ILDR1: variants seen among roughly 807,000 people sequenced by gnomAD.
The protein encoded by ILDR1 is immunoglobulin like domain containing receptor 1.
A neutral mutation model predicts 62.4 loss-of-function variants in ILDR1; 56 were observed. The observed-to-expected ratio is 0.90, with a 90% confidence interval of 0.72 to 1.12. ILDR1 has a LOEUF of 1.12. Ranked by LOEUF, ILDR1 falls within the 50% of genes most tolerant of loss-of-function variation. The probability of loss-of-function intolerance (pLI) is 0.00; values close to 1 mark genes in which losing one functional copy is unlikely to be tolerated. For synonymous variants in ILDR1, 284 were observed against 277.8 expected (o/e 1.02, Z -0.22); for missense variants, 736 against 710.6 (o/e 1.04, Z -0.41).
Position 121,993,369 on chromosome 3 carries a change from C to T in ILDR1, c.1380G>A (p.Gly460=), listed in dbSNP as rs1344875122. ...AGTAGCTGCGGTGCCTGCGTCGTCTCCCGTGCCTCTGAGTGCTCTCCCGGG... is the reference window on the plus strand; with the variant it reads ...AGTAGCTGCGGTGCCTGCGTCGTCTTCCGTGCCTCTGAGTGCTCTCCCGGG... ...PSPRESTQRH[G]RRRRHRSYSP... is the part of the protein sequence containing the mutation. Residue 460 remains glycine, a synonymous_variant, in exon 7 of 8, where the codon GGG becomes GGA. Transcript: ENST00000344209. 1 of 1,610,894 alleles carries T rather than the reference C, an allele frequency of 6.2e-7. No individual in the cohort carries two copies. The highest frequency in any genetic ancestry group is 1.3e-5 in the African/African-American group (1 of 74,990).
chr3:122,047,193 G>C, the ILDR1 span, among the ~76,000 whole-genome samples: 10 of 150,922 alleles, frequency 6.6e-5, no homozygotes, highest in Admixed American at 1.3e-4. Flanking sequence ...AGGTGTCAGT[G>C]TGCCCCTGCT....
At chr3:122,042,718 G>C in the ILDR1 span, among the ~76,000 whole-genome samples, 11 of 152,132 alleles carry the variant, frequency 7.2e-5, no homozygotes, top group Admixed American at 4.6e-4. Flanking sequence ...GTCTTCTTTT[G>C]AGAAGTGTCT....
chr3:122,053,142 T>C, the ILDR1 span, among the ~76,000 whole-genome samples: 2 of 152,206 alleles, frequency 1.3e-5, no homozygotes, highest in African/African-American at 4.8e-5. Context: ...GAGCACAGGC[T>C]GGGGTTTCTC....
At chr3:122,039,470 A>T in the ILDR1 span, among the ~76,000 whole-genome samples, 1 of 152,102 alleles carries the variant, frequency 6.6e-6, no homozygotes, top group East Asian at 1.9e-4. Flanking sequence ...AAGTAAGAAG[A>T]CAGTAAAGGG....
upstream of ILDR1, among the ~76,000 whole-genome samples, chr3:122,025,480 A>G (rs1417191108): frequency 1.3e-5 from 2 of 152,152 alleles, no homozygotes; most frequent in African/African-American, 4.8e-5. Context: ...TAGGCAATCT[A>G]TTTTCAGAAC....
the ILDR1 span, among the ~76,000 whole-genome samples, chr3:122,030,623 T>TTCTC: frequency 0.058 from 8,600 of 147,524 alleles, 429 homozygotes; most frequent in African/African-American, 0.13. Context: ...GCAAGGGTTT[T>TTCTC]TCTCTCTCTC....
the ILDR1 span, among the ~76,000 whole-genome samples, chr3:122,030,625 C>T: frequency 0.21 from 29,978 of 140,712 alleles, 3,074 homozygotes; most frequent in South Asian, 0.31. Context: ...AAGGGTTTTT[C>T]TCTCTCTCTC....
At chr3:122,001,567 G>C in intron 4 of ILDR1, 113 bp from the exon 5 acceptor site, 1 of 1,488,910 alleles carries the variant, frequency 6.7e-7, no homozygotes, top group Non-Finnish European at 9.4e-7. Context: ...ACAGGTTAAA[G>C]TTGAGCAATA....
the ILDR1 span, among the ~76,000 whole-genome samples, chr3:122,039,544 T>C: frequency 6.6e-6 from 1 of 152,072 alleles, no homozygotes; most frequent in South Asian, 2.1e-4. Context: ...AGCAAAAATA[T>C]TTTTCAGAAG....
At chr3:122,028,311 G>C in the ILDR1 span, among the ~76,000 whole-genome samples, 2 of 140,808 alleles carry the variant, frequency 1.4e-5, no homozygotes, top group African/African-American at 5.3e-5. Context: ...ACTCCAGCCT[G>C]GGCAACAGAG....
Position 121,988,099 on chromosome 3 carries a change from G to C in ILDR1, c.*268C>G, listed in dbSNP as rs565610957. On this transcript the variant is annotated 3_prime_UTR_variant, in exon 8 of 8. Coordinates refer to ENST00000344209, the MANE Select transcript of ILDR1 (RefSeq NM_001199799.2). ...AACTAATTTTTATATTTTTTGTAGAGACGGGGTCTCACTATGTTTCCCAGG... is the reference window on the plus strand; with the variant it reads ...AACTAATTTTTATATTTTTTGTAGACACGGGGTCTCACTATGTTTCCCAGG... The C allele has an allele frequency of 5.4e-5, 28 of 522,628 alleles. No homozygotes were observed. In the Admixed American group the frequency reaches 6.1e-4, roughly 11 times the overall value. The allele number at this position is 522,628 out of a possible 1,614,324, so 32.4% of individuals were successfully genotyped here.
intron 7 of ILDR1, 83 bp from the exon 8 acceptor site, chr3:121,988,491 T>A: frequency 3.5e-6 from 4 of 1,144,354 alleles, no homozygotes; most frequent in Non-Finnish European, 5.3e-6. Context: ...GTGCTCTTGA[T>A]TTACAAATCC....
the ILDR1 span, among the ~76,000 whole-genome samples, chr3:122,037,451 ATG>A: frequency 6.6e-6 from 1 of 152,288 alleles, no homozygotes; most frequent in East Asian, 1.9e-4. Flanking sequence ...TTAAGATTTA[ATG>A]ACTGCCCTGC....
the ILDR1 span, among the ~76,000 whole-genome samples, chr3:122,056,685 C>G: frequency 6.6e-6 from 1 of 152,210 alleles, no homozygotes; most frequent in Admixed American, 6.5e-5. Flanking sequence ...TAACTTTCAT[C>G]TACCCAGTGC....
intron 1 of ILDR1, 186 bp from the exon 2 acceptor site, chr3:122,007,347 G>T: frequency 7.5e-7 from 1 of 1,332,622 alleles, no homozygotes; most frequent in Non-Finnish European, 1.0e-6. Context: ...AACGCACTCA[G>T]CAGCCTCAGA....
rs746925077 is a variant in ILDR1 at position 121,993,989 on chromosome 3, A to T, written c.779-19T>A. 6.2e-7 allele frequency: 1 copy of T among 1,601,732 alleles called. No homozygotes were observed. Among genetic ancestry groups the T allele is most frequent in the Non-Finnish European group, 8.5e-7 (1 of 1,177,420 alleles). ...GACAAATCTGAATGGAAACAAGGAC[A>T]GGACAATAGAACAAATGGCCCAAAA... On this transcript the variant is annotated intron_variant, in intron 6 of 7. Coordinates refer to ENST00000344209, the MANE Select transcript of ILDR1 (RefSeq NM_001199799.2).
intron 6 of ILDR1, 68 bp from the exon 7 acceptor site, chr3:121,994,038 C>A: frequency 1.3e-6 from 2 of 1,529,544 alleles, no homozygotes; most frequent in South Asian, 1.2e-5. Flanking sequence ...ATCAGGACAT[C>A]AAAATGTGAC....
chr3:122,046,818 T>C, the ILDR1 span, among the ~76,000 whole-genome samples: 3 of 135,668 alleles, frequency 2.2e-5, no homozygotes, highest in East Asian at 4.4e-4. Context: ...TTATACATTC[T>C]TCTAAATTTT....
At chr3:122,013,536 A>T (rs933357238) in intron 1 of ILDR1, among the ~76,000 whole-genome samples, 1 of 152,180 alleles carries the variant, frequency 6.6e-6, no homozygotes, top group Non-Finnish European at 1.5e-5. Flanking sequence ...TTTATGGCTG[A>T]GCAGGCTATC....
Sources: gnomAD v4.1 joint callset for allele counts (sites outside exome capture counted in the v4.1 genomes callset) on GRCh38, gnomAD v4.1.1 for gene constraint, MANE v1.5 for transcripts, NCBI Gene and HGNC (gene_info 2026-07-23, HGNC 2026-07-21) for gene names.